KCNQ4: variants seen among roughly 807,000 people sequenced by gnomAD.
The protein encoded by KCNQ4 is potassium voltage-gated channel subfamily Q member 4.
Under a neutral mutation model 72.6 loss-of-function variants are expected in KCNQ4, and 31 were observed. That is an observed-to-expected ratio of 0.43 (90% CI 0.32 to 0.58). The LOEUF is 0.58. Ranked by LOEUF, KCNQ4 falls within the 20% of genes least tolerant of loss-of-function variation. The probability of loss-of-function intolerance (pLI) is 0.08; values close to 1 mark genes in which losing one functional copy is unlikely to be tolerated. For missense variants in KCNQ4, 869 were observed against 962.6 expected (o/e 0.90, Z 1.29); for synonymous variants, 405 against 403.7 (o/e 1.00, Z -0.04).
chr1:40,806,421 CAT>C (rs1238955871), intron 1 of KCNQ4, among the ~76,000 whole-genome samples: 2 of 152,232 alleles, frequency 1.3e-5, no homozygotes, highest in Non-Finnish European at 2.9e-5. Flanking sequence ...CTTGTCAACA[CAT>C]TGCTCAGCCC....
At chr1:40,816,526 G>A (rs1159412934) in intron 1 of KCNQ4, among the ~76,000 whole-genome samples, 1 of 152,166 alleles carries the variant, frequency 6.6e-6, no homozygotes, top group Non-Finnish European at 1.5e-5. Context: ...GTGGTGCACT[G>A]GGGGATGAGG....
At chr1:40,793,873 C>G (rs951684668) in intron 1 of KCNQ4, among the ~76,000 whole-genome samples, 16 of 152,320 alleles carry the variant, frequency 1.1e-4, no homozygotes, top group African/African-American at 3.6e-4. Flanking sequence ...CCAGGCTCAA[C>G]TGAGGGCCCT....
rs1341149374 is a variant in KCNQ4 at position 40,788,851 on chromosome 1, CTGAA to C, written c.314+4447_314+4450del. The stretch of plus-strand genomic sequence containing the variant: ...GACCACGTCACTGCTGCGTACCTGT[CTGAA>C]TGTCTCACACATGCACTCACTGCAA... On this transcript the variant is annotated intron_variant, in intron 1 of 13. Coordinates refer to ENST00000347132, the MANE Select transcript of KCNQ4 (RefSeq NM_004700.4). This position sits in a 1 kb window ranked among gnomAD's most constrained non-coding sequence, Gnocchi z 4.5. Among the ~76,000 whole-genome samples, 10 of 152,356 alleles carry C rather than the reference CTGAA, an allele frequency of 6.6e-5. No homozygotes were observed. The East Asian group carries it at 1.9e-3, about 29-fold the overall frequency.
rs1479143338 is a variant in KCNQ4, at chr1:40,818,383, G to T, written c.532+93G>T. The T allele has an allele frequency of 1.3e-5, 20 of 1,585,844 alleles. No homozygotes were observed. In the Admixed American group the frequency reaches 3.3e-4, roughly 26 times the overall value. On this transcript the variant is annotated intron_variant, in intron 3 of 13. Transcript: ENST00000347132. Reference sequence around the variant, plus strand: ...ATCCCGACTCTGACCCTGGAGACCCGCACAGATTCAGCGGACCCTCCCCCT... The same window carrying T: ...ATCCCGACTCTGACCCTGGAGACCCTCACAGATTCAGCGGACCCTCCCCCT...
chr1:40,832,626 CTG>C (rs1010648947), intron 10 of KCNQ4, among the ~76,000 whole-genome samples: 4 of 152,238 alleles, frequency 2.6e-5, no homozygotes, highest in African/African-American at 9.6e-5. Context: ...AAGGAGAAGA[CTG>C]TGTGCATGAT....
intron 1 of KCNQ4, among the ~76,000 whole-genome samples, chr1:40,789,873 G>C (rs1270404088): frequency 6.6e-6 from 1 of 152,206 alleles, no homozygotes; most frequent in African/African-American, 2.4e-5. Context: ...AAGGAAGGCC[G>C]AGGCCCTGCC....
chr1:40,818,457 C>T (rs767569726), intron 3 of KCNQ4, 48 bp from the exon 4 acceptor site: 1 of 1,597,064 alleles, frequency 6.3e-7, no homozygotes, highest in Non-Finnish European at 8.5e-7. Flanking sequence ...CCTCCGGGTC[C>T]GTGCGCGGGG....
intron 8 of KCNQ4, 28 bp downstream of exon 8, chr1:40,822,430 T>TG (rs749341233): frequency 1.0e-4 from 16 of 154,142 alleles, no homozygotes; most frequent in African/African-American, 3.3e-4. Flanking sequence ...TGGGGGTGGG[T>TG]GGGGGGCTGG....
intron 9 of KCNQ4, among the ~76,000 whole-genome samples, chr1:40,828,725 G>A (rs909568717): frequency 1.9e-4 from 29 of 152,232 alleles, no homozygotes; most frequent in Non-Finnish European, 4.0e-4. Context: ...GGGAGCCTGG[G>A]AGGGGAAAGA....
At chr1:40,799,679 G>T (rs565584407) in intron 1 of KCNQ4, among the ~76,000 whole-genome samples, 3 of 152,254 alleles carry the variant, frequency 2.0e-5, no homozygotes, top group African/African-American at 7.2e-5. Context: ...CTGTCCCATT[G>T]GAGGCCCTAG....
chr1:40,838,837 C>T lies in KCNQ4; in HGVS notation c.*314C>T, dbSNP rs1002350243. ...GGCCCACCTGGCAGGGGCACAGCCC[C>T]GGGAGTGGGAGCGGGCGCTGGGGCC... On this transcript the variant is annotated 3_prime_UTR_variant, in exon 14 of 14. Transcript: ENST00000347132. 1.7e-5 allele frequency: 8 copies of T among 474,316 alleles called. No homozygotes were observed. Among genetic ancestry groups the T allele is most frequent in the Non-Finnish European group, 3.1e-5 (8 of 257,606 alleles). The allele number at this position is 474,316 out of a possible 1,614,324, so 29.4% of individuals were successfully genotyped here.
At position 40,785,008 on chromosome 1, in the gene KCNQ4, T is replaced by C. The variant is rs74068596; in HGVS notation, c.314+601T>C. Among the ~76,000 whole-genome samples the C allele has an allele frequency of 9.1e-3, 1,392 of 152,292 alleles. 20 individuals carry two copies. The highest frequency in any genetic ancestry group is 0.031 in the African/African-American group (1,303 of 41,562). On this transcript the variant is annotated intron_variant, in intron 1 of 13. Transcript: ENST00000347132. ...ACTTGATCTGTGTCTTCGCTCAGTC[T>C]TCCCCTCCACCCTCAACTTCCCAGT...
At chr1:40,793,448 G>A (rs1398078357) in intron 1 of KCNQ4, among the ~76,000 whole-genome samples, 1 of 152,052 alleles carries the variant, frequency 6.6e-6, no homozygotes, top group African/African-American at 2.4e-5. Context: ...TCAGGGGGTG[G>A]TCTCATGCAC....
intron 1 of KCNQ4, among the ~76,000 whole-genome samples, chr1:40,796,937 A>AATAAATAAATAAATAAATAC (rs1647432032): frequency 6.6e-6 from 1 of 151,746 alleles, no homozygotes; most frequent in Non-Finnish European, 1.5e-5. Flanking sequence ...TAAATAAATA[A>AATAAATAAATAAATAAATAC]ATAAATAAAT....
At chr1:40,819,071 C>T (rs1648194037) in intron 4 of KCNQ4, 2 of 540,400 alleles carry the variant, frequency 3.7e-6, no homozygotes, top group Non-Finnish European at 6.8e-6. Flanking sequence ...GGGGACGGGG[C>T]AAGGTAGGCC....
chr1:40,803,118 T>C (rs1647636616), intron 1 of KCNQ4, among the ~76,000 whole-genome samples: 1 of 151,964 alleles, frequency 6.6e-6, no homozygotes. Context: ...TAGAAGGAGG[T>C]CCCTCTAAAC....
chr1:40,822,587 C>T (rs1301856026), intron 8 of KCNQ4, among the ~76,000 whole-genome samples, 185 bp downstream of exon 8: 1 of 152,168 alleles, frequency 6.6e-6, no homozygotes, highest in Non-Finnish European at 1.5e-5. Flanking sequence ...CTCTGCTATG[C>T]CCAGGGAAGA....
intron 10 of KCNQ4, among the ~76,000 whole-genome samples, 168 bp downstream of exon 10, chr1:40,831,472 C>T (rs1424828334): frequency 6.6e-6 from 1 of 152,230 alleles, no homozygotes; most frequent in Non-Finnish European, 1.5e-5. Context: ...ATAATATTTG[C>T]TCTGCTATAC....
rs769495708 is a variant in KCNQ4, at chr1:40,824,199, T to C, written c.1233T>C (p.Arg411=). 5 of 1,596,678 alleles carry C rather than the reference T, an allele frequency of 3.1e-6. No individual in the cohort carries two copies. The highest frequency in any genetic ancestry group is 4.3e-6 in the Non-Finnish European group (5 of 1,172,656). The change falls in exon 9 of 14, where the codon CGT becomes CGC. Residue 411 remains arginine, a synonymous_variant. Transcript: ENST00000347132. ...CGGTACCCGACGGAGCACCCTCCCG[T>C]TACCCGCCCGTTGCCACCTGCCACC... ...RAPVPDGAPS[R]YPPVATCHRP...
Sources: gnomAD v4.1 joint callset for allele counts (sites outside exome capture counted in the v4.1 genomes callset) on GRCh38, gnomAD v4.1.1 for gene constraint, Gnocchi (gnomAD v3.1) non-coding constraint, MANE v1.5 for transcripts, NCBI Gene and HGNC (gene_info 2026-07-23, HGNC 2026-07-21) for gene names.